The following CMKLR2 variants were observed in gnomAD, a reference collection of about 807,000 sequenced individuals.
CMKLR2 encodes the protein chemerin-like receptor 2.
In CMKLR2, 18 loss-of-function variants were observed where a neutral mutation model predicts 23.0. The observed-to-expected ratio is 0.78, with a 90% CI of 0.54 to 1.16. The LOEUF (loss-of-function observed/expected upper bound fraction) is 1.16, where lower values mean the gene tolerates loss of function less well. Ranked by LOEUF, CMKLR2 falls within the 50% of genes most tolerant of loss-of-function variation. The pLI is 0.00. For synonymous variants in CMKLR2, 158 were observed against 158.9 expected (o/e 0.99, Z 0.05); for missense variants, 401 against 412.7 (o/e 0.97, Z 0.25).
chr2:206,186,421 T>G (rs1424502374), intron 1 of CMKLR2, among the ~76,000 whole-genome samples: 1 of 152,186 alleles, frequency 6.6e-6, no homozygotes, highest in Non-Finnish European at 1.5e-5. Context: ...GGAATGGGCT[T>G]TTGTTAAAGC....
chr2:206,199,267 A>G (rs1689014954), intron 1 of CMKLR2, among the ~76,000 whole-genome samples: 1 of 152,144 alleles, frequency 6.6e-6, no homozygotes, highest in Non-Finnish European at 1.5e-5. Context: ...GCGTGGTGGC[A>G]CATGCCTACT....
chr2:206,206,843 C>T (rs954929844), intron 1 of CMKLR2, among the ~76,000 whole-genome samples: 5 of 150,932 alleles, frequency 3.3e-5, no homozygotes, highest in African/African-American at 1.2e-4. Context: ...AGAAGACAAA[C>T]GTGAACTGGA....
At chr2:206,179,202 G>A (rs1237060796) in intron 1 of CMKLR2, among the ~76,000 whole-genome samples, 1 of 142,144 alleles carries the variant, frequency 7.0e-6, no homozygotes, top group Non-Finnish European at 1.5e-5. Flanking sequence ...AGCCTCCCGA[G>A]TAGCTGGAAT....
chr2:206,191,620 G>A (rs1032916192), intron 1 of CMKLR2, among the ~76,000 whole-genome samples: 4 of 151,724 alleles, frequency 2.6e-5, no homozygotes, highest in Admixed American at 6.6e-5. Flanking sequence ...GTTAAGAGTG[G>A]TGAGAAAATA....
intron 1 of CMKLR2, chr2:206,203,512 C>T (rs562660060): frequency 6.6e-6 from 1 of 152,230 alleles, no homozygotes; most frequent in Admixed American, 6.5e-5. Context: ...AATGAGCCTC[C>T]GTAAAAACCA....
upstream of CMKLR2, among the ~76,000 whole-genome samples, chr2:206,216,824 G>T (rs573055871): frequency 2.6e-5 from 4 of 152,294 alleles, no homozygotes; most frequent in South Asian, 8.3e-4. Context: ...AGTGAGAAAG[G>T]TTTGGGCGAT....
intron 1 of CMKLR2, among the ~76,000 whole-genome samples, chr2:206,196,384 A>C (rs1231405277): frequency 6.8e-6 from 1 of 146,622 alleles, no homozygotes; most frequent in Non-Finnish European, 1.5e-5. Flanking sequence ...AAAAATAAAT[A>C]AAAATAAAAA....
rs570420604 is a variant in CMKLR2, at chr2:206,192,127, G to A, written c.-28-14852C>T. Reference sequence around the variant, plus strand: ...CAAAGTGCTGGGATTACAGGCATGAGCCACTGCGCCAGGCCTACTTTTTGT... The same window carrying A: ...CAAAGTGCTGGGATTACAGGCATGAACCACTGCGCCAGGCCTACTTTTTGT... On this transcript the variant is annotated intron_variant, in intron 1 of 1. Transcript: ENST00000621141. Among the ~76,000 whole-genome samples the A allele has an allele frequency of 5.0e-4, 76 of 151,342 alleles. 1 individual carries two copies. Among genetic ancestry groups the A allele is most frequent in the African/African-American group, 1.6e-3 (67 of 41,384 alleles).
chr2:206,213,940 G>A (rs11891492), upstream of CMKLR2, among the ~76,000 whole-genome samples: 2,436 of 151,938 alleles, frequency 0.016, 61 homozygotes, highest in African/African-American at 0.056. Context: ...TGCAACCTCC[G>A]CCTCCCAGGT....
At chr2:206,200,209 AG>A (rs1689050326) in intron 1 of CMKLR2, among the ~76,000 whole-genome samples, 1 of 151,974 alleles carries the variant, frequency 6.6e-6, no homozygotes, top group African/African-American at 2.4e-5. Flanking sequence ...GGATCACCTG[AG>A]GTCAGAAGTT....
rs528330041 is a variant in CMKLR2 at position 206,207,778 on chromosome 2, T to C, written c.-29+5529A>G. 1.5e-3 allele frequency among the ~76,000 whole-genome samples: 203 copies of C among 138,424 alleles called. 1 individual carries two copies. The highest frequency in any genetic ancestry group is 5.3e-3 in the African/African-American group (193 of 36,488). 90.8% of individuals were successfully genotyped at this position (138,424 alleles called of 152,430 possible). On this transcript the variant is annotated intron_variant, in intron 1 of 1. Transcript: ENST00000621141. ...TTTTTTTGAGATGGAGTTTTGCCGT[T>C]GTTGCCTGGGCTAGAGTACAATGGC... is the stretch of plus-strand genomic sequence containing the variant.
At chr2:206,208,656 T>C (rs77850324) in intron 1 of CMKLR2, among the ~76,000 whole-genome samples, 8 of 151,596 alleles carry the variant, frequency 5.3e-5, no homozygotes, top group Non-Finnish European at 1.0e-4. Context: ...TTTTTTTTTT[T>C]CCAGGCAGGG....
intron 1 of CMKLR2, among the ~76,000 whole-genome samples, chr2:206,194,849 G>A (rs1359585825): frequency 6.7e-6 from 1 of 149,148 alleles, no homozygotes; most frequent in Admixed American, 6.8e-5. Context: ...TGCCTCCCAG[G>A]TTCACGCCGT....
chr2:206,203,998 C>T lies in CMKLR2; in HGVS notation c.-29+9309G>A, dbSNP rs989645557. The stretch of plus-strand genomic sequence containing the variant: ...TGTTCTAGGTTTATTGTATGAATGA[C>T]AAAAGATAATATATGTTAGGGCATA... On this transcript the variant is annotated intron_variant, in intron 1 of 1. Coordinates refer to ENST00000621141, the MANE Select transcript of CMKLR2 (RefSeq NM_001389445.1). 5 of 152,054 alleles carry T rather than the reference C, an allele frequency of 3.3e-5. No individual in the cohort carries two copies. The East Asian group carries it at 9.6e-4, about 29-fold the overall frequency. The allele number at this position is 152,054 out of a possible 1,614,324, so 9.4% of individuals were successfully genotyped here.
At chr2:206,180,761 T>TATTATTATTATC (rs1296463510) in intron 1 of CMKLR2, among the ~76,000 whole-genome samples, 1 of 147,364 alleles carries the variant, frequency 6.8e-6, no homozygotes, top group African/African-American at 2.5e-5. Context: ...TTATTATTAT[T>TATTATTATTATC]ATTATTATTT....
Position 206,177,087 on chromosome 2 carries a change from G to A in CMKLR2, c.161C>T (p.Pro54Leu). The stretch of plus-strand genomic sequence containing the variant: ...GAACCAAATGACGATGGCATTTCCT[G>A]GAATTCCCAGAACAAAAGCCAAACA... ...LYCLAFVLGI[P>L]GNAIVIWFTG... Residue 54 changes from proline (P) to leucine (L), a missense_variant, in exon 2 of 2, where the codon CCA (proline) becomes CTA (leucine). Physicochemically the swap from Pro to Leu is moderately conservative, Grantham distance 98. Coordinates refer to ENST00000621141, the MANE Select transcript of CMKLR2 (RefSeq NM_001389445.1). 1 of 1,614,140 alleles carries A rather than the reference G, an allele frequency of 6.2e-7. No homozygotes were observed. Among genetic ancestry groups the A allele is most frequent in the South Asian group, 1.1e-5 (1 of 91,086 alleles).
intron 1 of CMKLR2, among the ~76,000 whole-genome samples, chr2:206,204,846 T>C (rs541266729): frequency 1.9e-4 from 29 of 152,332 alleles, no homozygotes; most frequent in African/African-American, 6.7e-4. Context: ...TACGCTGTGT[T>C]CATTCCATCC....
chr2:206,188,548 G>A (rs1688652636), intron 1 of CMKLR2, among the ~76,000 whole-genome samples: 1 of 152,184 alleles, frequency 6.6e-6, no homozygotes, highest in Non-Finnish European at 1.5e-5. Flanking sequence ...TGTGAACAGG[G>A]ATATATGTAG....
upstream of CMKLR2, among the ~76,000 whole-genome samples, chr2:206,216,662 C>A (rs567305595): frequency 6.6e-5 from 10 of 152,122 alleles, no homozygotes; most frequent in Non-Finnish European, 1.3e-4. Flanking sequence ...TACACAATGC[C>A]GCTATCATAT....
Sources: gnomAD v4.1 joint callset for allele counts (sites outside exome capture counted in the v4.1 genomes callset) on GRCh38, gnomAD v4.1.1 for gene constraint, MANE v1.5 for transcripts, NCBI Gene and HGNC (gene_info 2026-07-23, HGNC 2026-07-21) for gene names.